Variants in AUTS2 observed in about 807,000 individuals in gnomAD.
The protein encoded by AUTS2 is autism susceptibility gene 2 protein.
Under a neutral mutation model 112.4 loss-of-function variants are expected in AUTS2, and 17 were observed. That is an observed-to-expected ratio of 0.15 (90% confidence interval 0.10 to 0.23). The LOEUF (loss-of-function observed/expected upper bound fraction) is 0.23. Ranked by LOEUF, AUTS2 falls within the 10% of genes least tolerant of loss-of-function variation. The pLI, the probability that AUTS2 is intolerant of heterozygous loss-of-function variation, is 1.00. For synonymous variants in AUTS2, 751 were observed against 702.7 expected, an observed-to-expected ratio of 1.07 and a Z score of -1.09; for missense variants, 1,510 against 1,701.6, an observed-to-expected ratio of 0.89 and a Z score of 1.98.
At chr7:70,495,694 C>T (rs1236845599) in intron 5 of AUTS2, among the ~76,000 whole-genome samples, 1 of 136,374 alleles carries the variant, frequency 7.3e-6, no homozygotes, top group Non-Finnish European at 1.6e-5. Context: ...ACCACGTACA[C>T]AGTCACACAC....
rs115585766 is a variant in AUTS2 at position 69,739,410 on chromosome 7, C to T, written c.309+139448C>T. Among the ~76,000 whole-genome samples, 243 of 152,252 alleles carry T rather than the reference C, an allele frequency of 1.6e-3. 1 individual carries two copies. The highest frequency in any genetic ancestry group is 5.6e-3 in the African/African-American group (234 of 41,562). On this transcript the variant is annotated intron_variant, in intron 1 of 18. Coordinates refer to ENST00000342771, the MANE Select transcript of AUTS2 (RefSeq NM_015570.4). ...GTCATTCCGCACCTGCATATTGACACAGCCAGGCTCCTGATGTGGGTACAC... is the reference window on the plus strand; with the variant it reads ...GTCATTCCGCACCTGCATATTGACATAGCCAGGCTCCTGATGTGGGTACAC...
intron 4 of AUTS2, among the ~76,000 whole-genome samples, chr7:70,243,367 C>CT (rs902731208): frequency 1.0e-4 from 15 of 150,730 alleles, no homozygotes; most frequent in African/African-American, 3.7e-4. Flanking sequence ...TTCTGTGTTC[C>CT]TTTGAAGGTT....
chr7:70,493,768 T>C (rs939890189), intron 5 of AUTS2, among the ~76,000 whole-genome samples: 2 of 152,164 alleles, frequency 1.3e-5, no homozygotes, highest in Non-Finnish European at 2.9e-5. Flanking sequence ...GTTCAGTAAG[T>C]AACCTTTCTT....
At chr7:70,594,282 G>A (rs1803088754) in intron 5 of AUTS2, among the ~76,000 whole-genome samples, 1 of 152,184 alleles carries the variant, frequency 6.6e-6, no homozygotes, top group South Asian at 2.1e-4. Flanking sequence ...TCAAACTTGA[G>A]TGTGTGCAGA....
intron 5 of AUTS2, among the ~76,000 whole-genome samples, chr7:70,663,274 A>G (rs1807166859): frequency 6.6e-6 from 1 of 152,210 alleles, no homozygotes; most frequent in Non-Finnish European, 1.5e-5. Context: ...ACACACCTGT[A>G]ATCCCAGCTA....
At chr7:70,345,586 C>T (rs568230529) in intron 4 of AUTS2, among the ~76,000 whole-genome samples, 3 of 152,130 alleles carry the variant, frequency 2.0e-5, no homozygotes, top group Non-Finnish European at 4.4e-5. Context: ...GAGCCATTGT[C>T]CTTTCCAAAA....
chr7:70,699,293 A>G (rs528604428), intron 6 of AUTS2: 3 of 152,336 alleles, frequency 2.0e-5, no homozygotes, highest in Admixed American at 1.3e-4. Flanking sequence ...AAAGGTGTGT[A>G]ATTTGAAAGG....
chr7:70,401,054 G>A (rs1457073336), intron 4 of AUTS2, among the ~76,000 whole-genome samples: 1 of 152,172 alleles, frequency 6.6e-6, no homozygotes, highest in Non-Finnish European at 1.5e-5. Context: ...GGAAGAATCA[G>A]ATATGGGAGG....
chr7:70,251,486 T>C (rs1786594673), intron 4 of AUTS2, among the ~76,000 whole-genome samples: 1 of 152,234 alleles, frequency 6.6e-6, no homozygotes, highest in African/African-American at 2.4e-5. Context: ...TCTTGTCTTC[T>C]TGTATCTTTG....
intron 11 of AUTS2, among the ~76,000 whole-genome samples, chr7:70,772,919 C>G (rs2129558492): frequency 6.6e-6 from 1 of 152,378 alleles, no homozygotes; most frequent in African/African-American, 2.4e-5. Flanking sequence ...CCCAAACAGA[C>G]TGGTAGGTCA....
At chr7:70,515,587 T>G (rs1799382109) in intron 5 of AUTS2, among the ~76,000 whole-genome samples, 1 of 152,138 alleles carries the variant, frequency 6.6e-6, no homozygotes, top group Admixed American at 6.5e-5. Context: ...TAGATTTCCC[T>G]TCAACGAGAC....
At chr7:70,254,180 A>G (rs1786742158) in intron 4 of AUTS2, among the ~76,000 whole-genome samples, 1 of 152,200 alleles carries the variant, frequency 6.6e-6, no homozygotes, top group African/African-American at 2.4e-5. Context: ...CTCCCATGGC[A>G]TAAGGCTGGA....
chr7:70,396,728 TC>T (rs1265699699), intron 4 of AUTS2, among the ~76,000 whole-genome samples: 2 of 152,178 alleles, frequency 1.3e-5, no homozygotes, highest in Non-Finnish European at 2.9e-5. Context: ...TTTCTTTCTT[TC>T]GCTGAGTAGT....
intron 4 of AUTS2, among the ~76,000 whole-genome samples, chr7:70,248,872 A>G (rs1813066526): frequency 6.6e-6 from 1 of 152,206 alleles, no homozygotes; most frequent in Non-Finnish European, 1.5e-5. Flanking sequence ...ATTCTGTTGT[A>G]TACACCCAGC....
chr7:69,619,295 G>A (rs1478374676), intron 1 of AUTS2, among the ~76,000 whole-genome samples: 1 of 152,134 alleles, frequency 6.6e-6, no homozygotes, highest in Non-Finnish European at 1.5e-5. Flanking sequence ...GTAGGAGTGA[G>A]GCATTAGAGA....
At chr7:69,722,518 A>G (rs1259231432) in intron 1 of AUTS2, among the ~76,000 whole-genome samples, 5 of 151,310 alleles carry the variant, frequency 3.3e-5, no homozygotes, top group African/African-American at 4.9e-5. Context: ...TTTGTTTTTT[A>G]AGAGCTGGAA....
intron 1 of AUTS2, among the ~76,000 whole-genome samples, chr7:69,798,621 A>T (rs1027038971): frequency 1.3e-5 from 2 of 152,176 alleles, no homozygotes; most frequent in East Asian, 3.8e-4. Context: ...TGTGGAGAAA[A>T]GGGAAGTCTT....
At chr7:70,664,963 C>A (rs1415792615) in intron 5 of AUTS2, among the ~76,000 whole-genome samples, 3 of 152,216 alleles carry the variant, frequency 2.0e-5, no homozygotes, top group Non-Finnish European at 2.9e-5. Context: ...GTCCTAGCTA[C>A]TCAGGAGGCT....
At chr7:70,488,270 A>T (rs1798096110) in intron 5 of AUTS2, among the ~76,000 whole-genome samples, 1 of 152,178 alleles carries the variant, frequency 6.6e-6, no homozygotes, top group African/African-American at 2.4e-5. Context: ...GATTTCTGAA[A>T]GCTGGCCTTT....
Sources: gnomAD v4.1 joint callset for allele counts (sites outside exome capture counted in the v4.1 genomes callset) on GRCh38, gnomAD v4.1.1 for gene constraint, MANE v1.5 for transcripts, NCBI Gene and HGNC (gene_info 2026-07-23, HGNC 2026-07-21) for gene names.